The following ROCK2 variants were observed in gnomAD, a reference collection of about 807,000 sequenced individuals.
ROCK2 encodes the protein Rho associated coiled-coil containing protein kinase 2, also known as rho-associated protein kinase 2.
A neutral mutation model predicts 195.1 loss-of-function variants in ROCK2; 61 were observed. The observed-to-expected ratio is 0.31, with a 90% confidence interval of 0.25 to 0.39. The LOEUF is 0.39. ROCK2 is among the 10% of genes least tolerant of loss of function. ROCK2 has a pLI of 1.00. For missense variants in ROCK2, 1,109 were observed against 1,637.4 expected (o/e 0.68, Z 5.57); for synonymous variants, 504 against 545.5 (o/e 0.92, Z 1.06).
Position 11,235,552 on chromosome 2 carries a change from A to G in ROCK2, c.723+150T>C. 1 of 709,996 alleles carries G rather than the reference A, an allele frequency of 1.4e-6. No homozygotes were observed. The highest frequency in any genetic ancestry group is 2.3e-6 in the Non-Finnish European group (1 of 440,456). The allele number at this position is 709,996 out of a possible 1,614,324, so 44.0% of individuals were successfully genotyped here. ...GAAATGTTTTAAGTTGGTTAAGGAA[A>G]TGTTTTAAGTTGGTTATATCTTGTT... On this transcript the variant is annotated intron_variant, in intron 5 of 32. Transcript: ENST00000315872. The surrounding 1 kb of genome is among the most constrained non-coding windows in gnomAD (Gnocchi z 4.2).
At chr2:11,309,168 T>G (rs1667956363) in intron 1 of ROCK2, among the ~76,000 whole-genome samples, 1 of 139,634 alleles carries the variant, frequency 7.2e-6, no homozygotes, top group African/African-American at 2.5e-5. Flanking sequence ...TTGAAACATG[T>G]TTTACTTTCT....
At chr2:11,299,998 G>C (rs1424366620) in intron 1 of ROCK2, among the ~76,000 whole-genome samples, 6 of 152,158 alleles carry the variant, frequency 3.9e-5, no homozygotes, top group Non-Finnish European at 7.3e-5. Flanking sequence ...TGATGAGCAA[G>C]TCTCGGAAAG....
At chr2:11,270,059 A>G (rs1666572346) in intron 3 of ROCK2, among the ~76,000 whole-genome samples, 1 of 151,954 alleles carries the variant, frequency 6.6e-6, no homozygotes, top group South Asian at 2.1e-4. Context: ...CAGCCACCCC[A>G]TCACTTTTGA....
intron 20 of ROCK2, among the ~76,000 whole-genome samples, chr2:11,202,648 C>CCA (rs1263183141): frequency 1.3e-5 from 2 of 152,038 alleles, no homozygotes; most frequent in Non-Finnish European, 2.9e-5. Context: ...CAGGCGCCTG[C>CCA]CACCACACCT....
intron 9 of ROCK2, among the ~76,000 whole-genome samples, chr2:11,220,189 G>C (rs998883638): frequency 2.6e-5 from 4 of 152,008 alleles, no homozygotes; most frequent in Admixed American, 1.3e-4. Context: ...AGCTAATTTT[G>C]TATTTTTTAG....
intron 32 of ROCK2, among the ~76,000 whole-genome samples, chr2:11,187,699 T>C (rs975321953): frequency 3.9e-5 from 6 of 152,212 alleles, no homozygotes; most frequent in Non-Finnish European, 8.8e-5. Context: ...GTTTTTTAAA[T>C]TTACAAGGCT....
rs1349311987 is a variant in ROCK2 at position 11,180,648 on chromosome 2, T to G, written c.*2789A>C. 2 of 152,182 alleles carry G rather than the reference T, an allele frequency of 1.3e-5. No homozygotes were observed. Among genetic ancestry groups the G allele is most frequent in the Non-Finnish European group, 2.9e-5 (2 of 68,046 alleles). The allele number at this position is 152,182 out of a possible 1,614,324, so 9.4% of individuals were successfully genotyped here. A position where few individuals can be genotyped will look rare whatever the true frequency, so the allele number is the denominator to read the frequency against. On this transcript the variant is annotated 3_prime_UTR_variant, in exon 33 of 33. Coordinates refer to ENST00000315872, the MANE Select transcript of ROCK2 (RefSeq NM_004850.5). The stretch of plus-strand genomic sequence containing the variant: ...ATCCCAGTATTCATGATTTCTTAGT[T>G]CCCCATAGGAGGTATTTATGGTTCT...
intron 1 of ROCK2, among the ~76,000 whole-genome samples, chr2:11,317,989 C>T (rs1350479174): frequency 6.6e-6 from 1 of 152,082 alleles, no homozygotes; most frequent in Non-Finnish European, 1.5e-5. Flanking sequence ...AAGTATACCA[C>T]ATTTTCTTAA....
Position 11,317,627 on chromosome 2 carries a change from T to TTTTTTTTTTTTA in ROCK2, c.141+26368_141+26369insTAAAAAAAAAAA, listed in dbSNP as rs1192587957. On this transcript the variant is annotated intron_variant, in intron 1 of 32. Coordinates refer to ENST00000315872, the MANE Select transcript of ROCK2 (RefSeq NM_004850.5). ...ATATATATATATTTTTTTTTTTTTTTAATTATACTTTAAGTTCTAGGGTAC... is the reference window on the plus strand; with the variant it reads ...ATATATATATATTTTTTTTTTTTTTTTTTTTTTTTTTAAATTATACTTTAAGTTCTAGGGTAC... Among the ~76,000 whole-genome samples the TTTTTTTTTTTTA allele has an allele frequency of 9.1e-3, 284 of 31,350 alleles. 38 individuals carry two copies. The highest frequency in any genetic ancestry group is 0.016 in the East Asian group (10 of 610). 20.6% of individuals were successfully genotyped at this position (31,350 alleles called of 152,430 possible). A position where few individuals can be genotyped will look rare whatever the true frequency, so the allele number is the denominator to read the frequency against.
chr2:11,309,525 T>C (rs2148228475), intron 1 of ROCK2, among the ~76,000 whole-genome samples: 1 of 152,330 alleles, frequency 6.6e-6, no homozygotes, highest in South Asian at 2.1e-4. Flanking sequence ...GTAAATAAAA[T>C]TTGAATTTCC....
Position 11,198,542 on chromosome 2 carries a change from A to C in ROCK2, c.3048T>G (p.Ile1016Met), listed in dbSNP as rs201466826. 1.1e-4 allele frequency: 175 copies of C among 1,613,390 alleles called. No homozygotes were observed. In the African/African-American group the frequency reaches 2.1e-3, roughly 19 times the overall value. Residue 1016 changes from isoleucine (I) to methionine (M), a missense_variant, in exon 25 of 33, where the codon ATT becomes ATG. Coordinates refer to ENST00000315872, the MANE Select transcript of ROCK2 (RefSeq NM_004850.5). ...LKDEEISAAA[I>M]KAQFEKQLLT... ...ATAGCTGCTTCTCAAACTGTGCTTT[A>C]ATAGCTGCTGCGCTTATTTCTTCAT...
At chr2:11,248,355 T>A (rs1665696055) in intron 4 of ROCK2, among the ~76,000 whole-genome samples, 1 of 152,024 alleles carries the variant, frequency 6.6e-6, no homozygotes, top group African/African-American at 2.4e-5. Flanking sequence ...TCTGCAGATT[T>A]ACTTACTAGT....
At chr2:11,225,963 T>C (rs1558307481) in intron 6 of ROCK2, among the ~76,000 whole-genome samples, 1 of 152,174 alleles carries the variant, frequency 6.6e-6, no homozygotes. Context: ...CAAGAGTAAT[T>C]ATTATTTAAA....
chr2:11,263,604 T>TAAAA (rs11376539), intron 3 of ROCK2, among the ~76,000 whole-genome samples: 6 of 140,622 alleles, frequency 4.3e-5, no homozygotes, highest in Admixed American at 3.5e-4. Context: ...TTTACATTAT[T>TAAAA]AAAAAAAAAA....
chr2:11,309,906 T>TGGAGGCAAAAGTTGGAG (rs1399655374), intron 1 of ROCK2, among the ~76,000 whole-genome samples: 1 of 151,778 alleles, frequency 6.6e-6, no homozygotes, highest in Non-Finnish European at 1.5e-5. Context: ...GTTTGAGCCC[T>TGGAGGCAAAAGTTGGAG]GGAGGCAAAA....
At chr2:11,254,727 T>TAAAAA (rs10640683) in intron 3 of ROCK2, among the ~76,000 whole-genome samples, 1,986 of 39,078 alleles carry the variant, frequency 0.051, 344 homozygotes, top group Middle Eastern at 0.12. Flanking sequence ...CCCTGTCTCT[T>TAAAAA]AAAAAAAAAA....
At position 11,201,142 on chromosome 2, in the gene ROCK2, C is replaced by G; in HGVS notation, c.2725G>C (p.Asp909His). The change falls in exon 23 of 33, where the codon GAC becomes CAC. Residue 909 changes from aspartate to histidine, a missense_variant and splice_region_variant. Transcript: ENST00000315872. This position sits in a 1 kb window ranked among gnomAD's most constrained non-coding sequence, Gnocchi z 4.6. ...QKKQELQDERDSLAAQLEITL... is the reference protein window; with the variant it reads ...QKKQELQDERHSLAAQLEITL... ...ATCTCCAGTTGGGCAGCCAAAGAGT[C>G]CCTACATTTTAGCAATATATCATTT... is the stretch of plus-strand genomic sequence containing the variant. 6.3e-7 allele frequency: 1 copy of G among 1,599,650 alleles called. No homozygotes were observed. Among genetic ancestry groups the G allele is most frequent in the Non-Finnish European group, 8.5e-7 (1 of 1,175,156 alleles).
At chr2:11,202,887 C>T (rs1663913856) in intron 20 of ROCK2, among the ~76,000 whole-genome samples, 1 of 152,116 alleles carries the variant, frequency 6.6e-6, no homozygotes, top group Non-Finnish European at 1.5e-5. Flanking sequence ...CATACAGACA[C>T]TGTGATCAGC....
chr2:11,273,277 C>A (rs1473761697), intron 3 of ROCK2, among the ~76,000 whole-genome samples: 2 of 151,962 alleles, frequency 1.3e-5, no homozygotes, highest in African/African-American at 4.8e-5. Flanking sequence ...ATAAGATAAT[C>A]ACTTTAGATC....
Sources: allele counts gnomAD v4.1 joint callset (sites outside exome capture counted in the v4.1 genomes callset), GRCh38; gene constraint gnomAD v4.1.1; non-coding constraint Gnocchi (gnomAD v3.1); transcripts MANE v1.5; gene names NCBI Gene and HGNC (gene_info 2026-07-23, HGNC 2026-07-21).